DAB1: variants seen among roughly 807,000 people sequenced by gnomAD.
The protein encoded by DAB1 is disabled homolog 1.
Under a neutral mutation model 64.6 loss-of-function variants are expected in DAB1, and 15 were observed. The observed-to-expected ratio is 0.23, with a 90% confidence interval of 0.16 to 0.36. The LOEUF (loss-of-function observed/expected upper bound fraction) is 0.36. Ranked by LOEUF, DAB1 falls within the 10% of genes least tolerant of loss-of-function variation. DAB1 has a pLI of 1.00. For synonymous variants in DAB1, 235 were observed against 251.9 expected (o/e 0.93, Z 0.64); for missense variants, 596 against 706.7 (o/e 0.84, Z 1.78).
At chr1:57,332,593 T>G (rs1676762165) in intron 1 of DAB1, among the ~76,000 whole-genome samples, 1 of 152,170 alleles carries the variant, frequency 6.6e-6, no homozygotes, top group South Asian at 2.1e-4. Context: ...CAATCAGTCT[T>G]CCAATGACTC....
chr1:57,034,529 T>C lies in DAB1; in HGVS notation c.724-8486A>G, dbSNP rs377621298. Among the ~76,000 whole-genome samples, 3 of 152,256 alleles carry C rather than the reference T, an allele frequency of 2.0e-5. No homozygotes were observed. In the East Asian group the frequency reaches 5.8e-4, roughly 29 times the overall value. On this transcript the variant is annotated intron_variant, in intron 9 of 14. Coordinates refer to ENST00000371236, the MANE Select transcript of DAB1 (RefSeq NM_001365792.1). ...TCTGGCACATAGCAGTCCTCAAAAA[T>C]ACAGAAATGAATGCACATTCGAGAA...
At chr1:57,166,259 C>G (rs893368704) in intron 2 of DAB1, among the ~76,000 whole-genome samples, 1 of 151,946 alleles carries the variant, frequency 6.6e-6, no homozygotes, top group Admixed American at 6.6e-5. Flanking sequence ...CATTTGGCTG[C>G]CAATTAATTC....
At chr1:58,022,250 G>A (rs551506697) in intron 5 of DAB1, among the ~76,000 whole-genome samples, 1 of 152,318 alleles carries the variant, frequency 6.6e-6, no homozygotes, top group South Asian at 2.1e-4. Context: ...CAAGCTTCAT[G>A]AGCTGGTGAA....
chr1:57,211,608 G>A (rs926515226), intron 2 of DAB1, among the ~76,000 whole-genome samples: 20 of 152,040 alleles, frequency 1.3e-4, no homozygotes, highest in Admixed American at 1.2e-3. Flanking sequence ...TCAGTGTTGT[G>A]GAAACATCAA....
chr1:57,184,505 A>T (rs1486067421), intron 2 of DAB1, among the ~76,000 whole-genome samples: 1 of 152,208 alleles, frequency 6.6e-6, no homozygotes, highest in African/African-American at 2.4e-5. Flanking sequence ...TAAAGCCACA[A>T]ATCCTTAACC....
intron 4 of DAB1, among the ~76,000 whole-genome samples, chr1:58,300,613 A>AAAGAAAGAAG (rs1557726080): frequency 5.2e-5 from 2 of 38,224 alleles, no homozygotes; most frequent in African/African-American, 1.7e-4. Context: ...AGAAAGAAAG[A>AAAGAAAGAAG]GAGAGAGAGA....
chr1:58,352,257 A>G (rs2100516360), intron 3 of DAB1, among the ~76,000 whole-genome samples: 1 of 152,274 alleles, frequency 6.6e-6, no homozygotes, highest in East Asian at 1.9e-4. Context: ...ACCTGTGCTG[A>G]GGACATAATG....
chr1:57,841,823 G>A (rs1274031053), intron 1 of DAB1, among the ~76,000 whole-genome samples: 1 of 152,058 alleles, frequency 6.6e-6, no homozygotes, highest in Non-Finnish European at 1.5e-5. Flanking sequence ...CTGCTGTGAA[G>A]ATCTCTGAAA....
chr1:58,283,743 AT>A (rs1462216343), intron 4 of DAB1, among the ~76,000 whole-genome samples: 1 of 152,152 alleles, frequency 6.6e-6, no homozygotes, highest in African/African-American at 2.4e-5. Context: ...CTCATAACAA[AT>A]GATCAGTAAG....
chr1:58,022,289 T>A (rs577913873), intron 5 of DAB1, among the ~76,000 whole-genome samples: 67 of 152,186 alleles, frequency 4.4e-4, no homozygotes, highest in Non-Finnish European at 7.9e-4. Context: ...CAGAAGCTCC[T>A]CCTTAACTCT....
chr1:58,229,967 C>T (rs965128002), intron 4 of DAB1, among the ~76,000 whole-genome samples: 5 of 152,194 alleles, frequency 3.3e-5, no homozygotes, highest in Non-Finnish European at 5.9e-5. Context: ...GGTCTCTTTG[C>T]TCCCAGTCCA....
chr1:57,623,431 C>T (rs571706564), intron 7 of DAB1, among the ~76,000 whole-genome samples: 2 of 152,272 alleles, frequency 1.3e-5, no homozygotes, highest in East Asian at 3.9e-4. Context: ...CCTTCAACGG[C>T]AATTAATAAC....
chr1:57,372,048 T>C (rs1680537051), intron 1 of DAB1, among the ~76,000 whole-genome samples: 1 of 152,170 alleles, frequency 6.6e-6, no homozygotes, highest in South Asian at 2.1e-4. Context: ...TTTACAGAAT[T>C]AGAAAATTTA....
intron 7 of DAB1, among the ~76,000 whole-genome samples, chr1:57,521,827 C>T (rs182868202): frequency 7.2e-5 from 11 of 152,100 alleles, no homozygotes; most frequent in East Asian, 5.8e-4. Context: ...AGAGCCCATT[C>T]GGCCGGGCGT....
intron 5 of DAB1, among the ~76,000 whole-genome samples, chr1:58,013,490 C>T (rs1422962514): frequency 1.3e-5 from 2 of 152,176 alleles, no homozygotes; most frequent in Admixed American, 6.5e-5. Context: ...TTTTACTGGG[C>T]TTCTTTCTTT....
At chr1:57,459,035 C>G (rs1189527396) in intron 7 of DAB1, among the ~76,000 whole-genome samples, 1 of 151,958 alleles carries the variant, frequency 6.6e-6, no homozygotes. Context: ...TTTAACTGAT[C>G]AAAGTGATAA....
chr1:57,800,144 G>A (rs1651056132), intron 6 of DAB1, among the ~76,000 whole-genome samples: 1 of 152,126 alleles, frequency 6.6e-6, no homozygotes, highest in Admixed American at 6.5e-5. Context: ...TACATGGGGA[G>A]GGCAAGGCAG....
At chr1:57,915,764 G>C (rs1212547634) in intron 5 of DAB1, among the ~76,000 whole-genome samples, 2 of 152,124 alleles carry the variant, frequency 1.3e-5, no homozygotes, top group South Asian at 4.1e-4. Flanking sequence ...CCATCAGCTC[G>C]GAGCCCCTTC....
intron 5 of DAB1, among the ~76,000 whole-genome samples, chr1:57,935,953 T>G (rs1345405847): frequency 6.6e-6 from 1 of 152,236 alleles, no homozygotes; most frequent in Non-Finnish European, 1.5e-5. Context: ...AAGGATGGGC[T>G]CAATTGTCAG....
Sources: allele counts gnomAD v4.1 joint callset (sites outside exome capture counted in the v4.1 genomes callset), GRCh38; gene constraint gnomAD v4.1.1; transcripts MANE v1.5; gene names NCBI Gene and HGNC (gene_info 2026-07-23, HGNC 2026-07-21).